Variants in DCAF12 observed in about 807,000 individuals in gnomAD.
DCAF12 encodes the protein DDB1- and CUL4-associated factor 12.
In DCAF12, 28 loss-of-function variants were observed where a neutral mutation model predicts 52.8. The observed-to-expected ratio is 0.53, with a 90% CI of 0.39 to 0.73. The LOEUF (loss-of-function observed/expected upper bound fraction) is 0.73. Ranked by LOEUF, DCAF12 falls within the 30% of genes least tolerant of loss-of-function variation. DCAF12 has a pLI of 0.00. For missense variants in DCAF12, 425 were observed against 552.2 expected (o/e 0.77, Z 2.31); for synonymous variants, 196 against 215.5 (o/e 0.91, Z 0.79).
chr9:34,126,677 A>G lies in DCAF12; in HGVS notation c.-246T>C. 2 of 568,818 alleles carry G rather than the reference A, an allele frequency of 3.5e-6. No individual in the cohort carries two copies. Among genetic ancestry groups the G allele is most frequent in the Non-Finnish European group, 3.1e-6 (1 of 323,970 alleles). 35.2% of individuals were successfully genotyped at this position (568,818 alleles called of 1,614,324 possible). ...GCGGCTTTCCGACGGCAGAGCCTGC[A>G]AGGACGGCGAGCGGCTAGAACCAAA... On this transcript the variant is annotated 5_prime_UTR_variant, in exon 1 of 9. Coordinates refer to ENST00000361264, the MANE Select transcript of DCAF12 (RefSeq NM_015397.4).
intron 2 of DCAF12, among the ~76,000 whole-genome samples, chr9:34,122,304 G>A (rs970951607): frequency 3.3e-5 from 5 of 152,146 alleles, no homozygotes; most frequent in African/African-American, 4.8e-5. Flanking sequence ...CCATGATAAT[G>A]TAACAATTTC....
chr9:34,088,530 A>G lies in DCAF12; in HGVS notation c.1204-22T>C, dbSNP rs995303916. 3.7e-6 allele frequency: 6 copies of G among 1,613,734 alleles called. No individual in the cohort carries two copies. In the African/African-American group the frequency reaches 4.0e-5, roughly 11 times the overall value. On this transcript the variant is annotated intron_variant, in intron 8 of 8. Transcript: ENST00000361264. ...GATTCTACGGGAAGAGAAAGAGACT[A>G]CAATTAGCACCTCTAGCCATGGGGC...
chr9:34,089,308 G>C (rs1227818657), intron 8 of DCAF12, 104 bp downstream of exon 8: 2 of 1,302,964 alleles, frequency 1.5e-6, no homozygotes, highest in Non-Finnish European at 2.1e-6. Flanking sequence ...CCTCTTACTA[G>C]TGAAAAAGTA....
In DCAF12 at chr9:34,089,570, A is replaced by G. The variant is rs1338553167; in HGVS notation, c.1045T>C (p.Tyr349His). The change falls in exon 8 of 9, where the codon TAC becomes CAC. Residue 349 changes from tyrosine to histidine, a missense_variant. Tyr to His is a moderately conservative substitution (Grantham distance 83, BLOSUM62 2). This residue lies in a region of DCAF12 where 328 missense variants were observed against 444.4 expected (regional missense o/e 0.74). Transcript: ENST00000361264. ...RGSGIRSVSF[Y>H]EHIITVGTGQ... is the part of the protein sequence containing the mutation. ...GTTCCCACAGTGATGATGTGCTCGT[A>G]GAAACTCACTGACCGGATTCCTGAA... 6.2e-7 allele frequency: 1 copy of G among 1,607,122 alleles called. No individual in the cohort carries two copies. The highest frequency in any genetic ancestry group is 8.5e-7 in the Non-Finnish European group (1 of 1,176,232).
rs1254300160 is a variant in DCAF12 at position 34,107,690 on chromosome 9, G to A, written c.334-125C>T. The A allele has an allele frequency of 5.1e-6, 4 of 785,380 alleles. No homozygotes were observed. In the East Asian group the frequency reaches 1.1e-4, roughly 21 times the overall value. 48.7% of individuals were successfully genotyped at this position (785,380 alleles called of 1,614,324 possible). ...ACAACTACTACATGTTAGACCCTAG[G>A]AATTATTAAAGGCATGGTCAGGACT... On this transcript the variant is annotated intron_variant, in intron 2 of 8. Transcript: ENST00000361264.
chr9:34,126,394 G>A lies in DCAF12; in HGVS notation c.38C>T (p.Pro13Leu), dbSNP rs761849168. The change falls in exon 1 of 9, where the codon CCC becomes CTC. Residue 13 changes from proline to leucine, a missense_variant. Physicochemically the swap from Pro to Leu is moderately conservative, Grantham distance 98. This residue lies in a region of DCAF12 where 89 missense variants were observed against 84.9 expected (regional missense o/e 1.05). Coordinates refer to ENST00000361264, the MANE Select transcript of DCAF12 (RefSeq NM_015397.4). ...GTCGCTCCCAGCTCCCGGCGAGGCG[G>A]GCGCTTTCCGCTTCCTGCTAACTAC... ...RKVVSRKRKA[P>L]ASPGAGSDAQ... The A allele has an allele frequency of 1.4e-5, 23 of 1,610,650 alleles. No individual in the cohort carries two copies. The highest frequency in any genetic ancestry group is 1.3e-5 in the African/African-American group (1 of 74,932).
chr9:34,125,256 G>A lies in DCAF12; in HGVS notation c.100C>T (p.His34Tyr), dbSNP rs757168488. The A allele has an allele frequency of 2.5e-6, 4 of 1,613,994 alleles. No individual in the cohort carries two copies. The highest frequency in any genetic ancestry group is 3.4e-6 in the Non-Finnish European group (4 of 1,180,040). The change falls in exon 2 of 9, where the codon CAC becomes TAC. Residue 34 changes from histidine (H) to tyrosine (Y), a missense_variant. Around this residue, in one of 3 missense-constraint regions of DCAF12, gnomAD observed 89 missense variants for 84.9 expected, o/e 1.05. Coordinates refer to ENST00000361264, the MANE Select transcript of DCAF12 (RefSeq NM_015397.4). ...ACAGGAGGAAGTCTTTTCCTTTTGT[G>A]AAGCGAGTGATCCCAGCCAAACTGT... ...GPQFGWDHSL[H>Y]KRKRLPPVKR... is the part of the protein sequence containing the mutation.
intron 2 of DCAF12, among the ~76,000 whole-genome samples, chr9:34,107,873 G>C (rs1285128619): frequency 6.6e-6 from 1 of 152,176 alleles, no homozygotes; most frequent in African/African-American, 2.4e-5. Flanking sequence ...CAAAGAGGAA[G>C]ACCAACACAG....
chr9:34,117,067 G>A (rs558074645), intron 2 of DCAF12, among the ~76,000 whole-genome samples: 1 of 152,178 alleles, frequency 6.6e-6, no homozygotes, highest in Non-Finnish European at 1.5e-5. Context: ...TCCTACACAA[G>A]ATGGACTACA....
intron 4 of DCAF12, among the ~76,000 whole-genome samples, chr9:34,098,832 G>C (rs536229134): frequency 4.0e-5 from 6 of 151,790 alleles, no homozygotes; most frequent in Admixed American, 3.9e-4. Flanking sequence ...GCAGTGGTGC[G>C]ATCTCAGCTC....
intron 2 of DCAF12, among the ~76,000 whole-genome samples, chr9:34,112,961 A>C (rs112951018): frequency 0.018 from 2,749 of 152,308 alleles, 87 homozygotes; most frequent in African/African-American, 0.063. Flanking sequence ...TATTTCCTGA[A>C]ACAAAATTAA....
chr9:34,125,199 G>C lies in DCAF12; in HGVS notation c.157C>G (p.Arg53Gly), dbSNP rs1242077047. ...GTTTCATTCTGTAGCCTGACTTCCC[G>C]GTTCTTCAAGTAGTATACTAAGGAT... ...KRSLVYYLKN[R>G]EVRLQNETSY... Residue 53 changes from arginine to glycine, a missense_variant, in exon 2 of 9, where the codon CGG (arginine) becomes GGG (glycine). By Grantham distance (125) the Arg-to-Gly change is moderately radical (BLOSUM62 -2). Coordinates refer to ENST00000361264, the MANE Select transcript of DCAF12 (RefSeq NM_015397.4). 6.2e-7 allele frequency: 1 copy of C among 1,614,090 alleles called. No individual in the cohort carries two copies. Among genetic ancestry groups the C allele is most frequent in the South Asian group, 1.1e-5 (1 of 91,066 alleles).
intron 7 of DCAF12, among the ~76,000 whole-genome samples, chr9:34,090,419 CT>C (rs1372568316): frequency 6.6e-6 from 1 of 152,058 alleles, no homozygotes; most frequent in Non-Finnish European, 1.5e-5. Flanking sequence ...AAGCCCAGAA[CT>C]TAAATACCCA....
chr9:34,093,152 G>T, intron 7 of DCAF12, 134 bp downstream of exon 7: 1 of 1,173,358 alleles, frequency 8.5e-7, no homozygotes, highest in Non-Finnish European at 1.2e-6. Flanking sequence ...CCTAGCCATC[G>T]CTCCCCTTTT....
At chr9:34,115,950 T>A (rs1829082185) in intron 2 of DCAF12, among the ~76,000 whole-genome samples, 1 of 152,182 alleles carries the variant, frequency 6.6e-6, no homozygotes, top group African/African-American at 2.4e-5. Context: ...AATTCCCTAT[T>A]ATTGAACATT....
chr9:34,100,924 C>A (rs1412724709), intron 4 of DCAF12, among the ~76,000 whole-genome samples: 2 of 151,898 alleles, frequency 1.3e-5, no homozygotes, highest in Non-Finnish European at 1.5e-5. Context: ...AAGGCATGAG[C>A]CACCATACCC....
chr9:34,113,212 C>T (rs1011811814), intron 2 of DCAF12, among the ~76,000 whole-genome samples: 16 of 152,130 alleles, frequency 1.1e-4, no homozygotes, highest in African/African-American at 3.1e-4. Context: ...CCACCACGCC[C>T]GGCTAATTTT....
chr9:34,088,550 T>A (rs1828595590), intron 8 of DCAF12, 42 bp from the exon 9 acceptor site: 2 of 1,611,658 alleles, frequency 1.2e-6, no homozygotes, highest in Non-Finnish European at 1.7e-6. Flanking sequence ...CCTCTAGCCA[T>A]GGGGCAGGAA....
At chr9:34,101,149 G>C (rs1171825183) in intron 4 of DCAF12, among the ~76,000 whole-genome samples, 1 of 140,840 alleles carries the variant, frequency 7.1e-6, no homozygotes, top group Non-Finnish European at 1.5e-5. Context: ...ATGGCTCATT[G>C]TAGCCTCAAC....
Sources: gnomAD v4.1 joint callset for allele counts (sites outside exome capture counted in the v4.1 genomes callset) on GRCh38, gnomAD v4.1.1 for gene constraint, gnomAD v4.1.1 regional missense constraint, MANE v1.5 for transcripts, NCBI Gene and HGNC (gene_info 2026-07-23, HGNC 2026-07-21) for gene names.